Variants in LAMB4 observed in about 807,000 individuals in gnomAD.
The protein encoded by LAMB4 is laminin subunit beta-4.
LAMB4 carries 196 observed loss-of-function variants against 199.2 expected under a neutral mutation model. The observed-to-expected ratio is 0.98, with a 90% CI of 0.88 to 1.11. LAMB4 has a LOEUF of 1.11. Among genes scored for constraint, LAMB4 ranks in the 50% least tolerant of loss-of-function variants. LAMB4 has a pLI of 0.00. For synonymous variants in LAMB4, 744 were observed against 770.6 expected, an observed-to-expected ratio of 0.97 and a Z score of 0.57; for missense variants, 2,080 against 2,171.2, an observed-to-expected ratio of 0.96 and a Z score of 0.83.
intron 23 of LAMB4, among the ~76,000 whole-genome samples, chr7:108,061,533 G>T (rs575708641): frequency 9.9e-5 from 15 of 152,084 alleles, no homozygotes; most frequent in African/African-American, 2.9e-4. Flanking sequence ...GAGATCAGGA[G>T]TTTGAAACCA....
intron 29 of LAMB4, 151 bp from the exon 30 acceptor site, chr7:108,037,746 T>A (rs544616967): frequency 5.1e-4 from 323 of 628,474 alleles, no homozygotes; most frequent in Admixed American, 9.7e-4. Flanking sequence ...TTCCTATAGA[T>A]TCTTCTTCAT....
intron 17 of LAMB4, among the ~76,000 whole-genome samples, chr7:108,074,558 G>A (rs1313720699): frequency 6.6e-6 from 1 of 151,952 alleles, no homozygotes; most frequent in Non-Finnish European, 1.5e-5. Context: ...CAGTAGAGAC[G>A]GGGTTTCGCC....
chr7:108,095,333 G>T lies in LAMB4; in HGVS notation c.1365C>A (p.Cys455Ter), dbSNP rs781087492. 3.7e-6 allele frequency: 6 copies of T among 1,609,818 alleles called. No homozygotes were observed. The Admixed American group carries it at 5.0e-5, about 13-fold the overall frequency. The change falls in exon 12 of 34, where the codon TGC (cysteine) becomes TGA (stop). Residue 455 changes from cysteine to a stop codon, truncating the protein, a stop_gained. Transcript: ENST00000388781. LOFTEE classifies it high-confidence loss of function. The stretch of plus-strand genomic sequence containing the variant: ...GCAGACTCCCAAGGGGGTTACAGTC[G>T]CAGGCTGAAAGCACAGCATACACAA... ...SATDPLGCQP[C>*]DCNPLGSLPF...
At chr7:108,048,384 T>A (rs966012646) in intron 27 of LAMB4, among the ~76,000 whole-genome samples, 2 of 152,128 alleles carry the variant, frequency 1.3e-5, no homozygotes, top group African/African-American at 4.8e-5. Flanking sequence ...CAGGCTGGTC[T>A]CAAACTCCTG....
In LAMB4 at chr7:108,034,510, T is replaced by C. The variant is rs116983773; in HGVS notation, c.4680-164A>G. ...GTGCTGAAGTCTTCATTTTGAGAAA[T>C]AGGTATATTTAAATGCCAATAAAAA... On this transcript the variant is annotated intron_variant, in intron 30 of 33. Transcript: ENST00000388781. 4.2e-3 allele frequency among the ~76,000 whole-genome samples: 647 copies of C among 152,248 alleles called. 2 individuals are homozygous for C. Among genetic ancestry groups the C allele is most frequent in the Non-Finnish European group, 6.4e-3 (432 of 68,014 alleles).
Position 108,048,060 on chromosome 7 carries a change from C to T in LAMB4, c.4174G>A (p.Ala1392Thr). The part of the protein sequence containing the change: ...VPCVPLPCGG[A>T]LCTGRKGHRK... ...TGCCCCTTCCGGCCCGTGCAGAGAG[C>T]ACCGCCACAGGGCAAGGGCACACAT... Residue 1392 changes from alanine (A) to threonine (T), a missense_variant, in exon 28 of 34, where the codon GCT (alanine) becomes ACT (threonine). Coordinates refer to ENST00000388781, the MANE Select transcript of LAMB4 (RefSeq NM_007356.3). 6.2e-7 allele frequency: 1 copy of T among 1,614,120 alleles called. No individual in the cohort carries two copies. Among genetic ancestry groups the T allele is most frequent in the South Asian group, 1.1e-5 (1 of 91,088 alleles).
In LAMB4 at chr7:108,077,008, T is replaced by C; in HGVS notation, c.2060A>G (p.Asp687Gly). 2 of 1,613,748 alleles carry C rather than the reference T, an allele frequency of 1.2e-6. No individual in the cohort carries two copies. The highest frequency in any genetic ancestry group is 2.2e-5 in the South Asian group (2 of 91,072). Residue 687 changes from aspartate (D) to glycine (G), a missense_variant, in exon 17 of 34, where the codon GAT (aspartate) becomes GGT (glycine). By Grantham distance (94) the Asp-to-Gly change is moderately conservative. Transcript: ENST00000388781. Reference sequence around the variant, plus strand: ...TTGCAAAGGCTGAGAAAAATAGACATCTATGGAATATTGTACATCTGGTTC... The same window carrying C: ...TTGCAAAGGCTGAGAAAAATAGACACCTATGGAATATTGTACATCTGGTTC... ...CLEPDVQYSI[D>G]VYFSQPLQGE...
At chr7:108,044,689 C>T (rs929698057) in intron 28 of LAMB4, among the ~76,000 whole-genome samples, 2 of 152,090 alleles carry the variant, frequency 1.3e-5, no homozygotes, top group Admixed American at 6.5e-5. Context: ...TGGTGGCTCA[C>T]GCCTGTAATC....
intron 32 of LAMB4, 78 bp from the exon 33 acceptor site, chr7:108,029,274 C>T: frequency 7.7e-7 from 1 of 1,306,030 alleles, no homozygotes; most frequent in Non-Finnish European, 1.1e-6. Flanking sequence ...CTCCTAATTC[C>T]ATTCATAGAA....
At chr7:108,036,379 C>T (rs1242384895) in intron 30 of LAMB4, among the ~76,000 whole-genome samples, 3 of 151,936 alleles carry the variant, frequency 2.0e-5, no homozygotes, top group Non-Finnish European at 2.9e-5. Context: ...GGAAAGACAG[C>T]GTTTCTCCCT....
At position 108,103,132 on chromosome 7, in the gene LAMB4, G is replaced by T; in HGVS notation, c.1092C>A (p.His364Gln). The change falls in exon 10 of 34, where the codon CAC becomes CAA. Residue 364 changes from histidine (H) to glutamine (Q), a missense_variant. Transcript: ENST00000388781. Reference protein sequence around the residue: ...LSGGVCEDCQHNTEGQHCDRC... With the variant: ...LSGGVCEDCQQNTEGQHCDRC... ...GGTCGCAGTGCTGCCCCTCAGTGTT[G>T]TGCTGGCAGTCTTCACACACGCCCC... The T allele has an allele frequency of 6.2e-7, 1 of 1,613,596 alleles. No homozygotes were observed. Among genetic ancestry groups the T allele is most frequent in the Non-Finnish European group, 8.5e-7 (1 of 1,179,810 alleles).
At chr7:108,034,150 A>C (rs1474579385) in intron 31 of LAMB4, 58 bp downstream of exon 31, 1 of 1,526,130 alleles carries the variant, frequency 6.6e-7, no homozygotes, top group African/African-American at 1.4e-5. Context: ...CATAAAAAGC[A>C]CTGTGTTGTT....
chr7:108,082,975 G>A (rs1347934436), intron 14 of LAMB4, among the ~76,000 whole-genome samples: 1 of 152,220 alleles, frequency 6.6e-6, no homozygotes, highest in Non-Finnish European at 1.5e-5. Flanking sequence ...CAGCTGTTGG[G>A]TTGGATGGAG....
the LAMB4 span, among the ~76,000 whole-genome samples, chr7:108,013,940 G>A: frequency 6.6e-6 from 1 of 151,946 alleles, no homozygotes; most frequent in African/African-American, 2.4e-5. Flanking sequence ...AGCTGTAGGG[G>A]GAGTAGATTC....
At chr7:108,120,179 T>C (rs1478997798) in intron 2 of LAMB4, among the ~76,000 whole-genome samples, 1 of 152,210 alleles carries the variant, frequency 6.6e-6, no homozygotes, top group African/African-American at 2.4e-5. Context: ...TCTTTTCAGT[T>C]TTCTCCATTT....
At chr7:108,055,495 T>C in intron 25 of LAMB4, 137 bp downstream of exon 25, 1 of 957,488 alleles carries the variant, frequency 1.0e-6, no homozygotes, top group Non-Finnish European at 1.6e-6. Flanking sequence ...CCCAGCCTGG[T>C]TATTAACTGA....
At chr7:108,081,451 G>C (rs2036937584) in intron 14 of LAMB4, among the ~76,000 whole-genome samples, 1 of 152,206 alleles carries the variant, frequency 6.6e-6, no homozygotes, top group Non-Finnish European at 1.5e-5. Flanking sequence ...GTCTCGCTCT[G>C]CTCTTTCCTT....
chr7:108,109,323 T>C, intron 4 of LAMB4, 79 bp from the exon 5 acceptor site: 1 of 1,037,458 alleles, frequency 9.6e-7, no homozygotes, highest in South Asian at 1.3e-5. Flanking sequence ...CATTGTGGCT[T>C]ATCTGTAATA....
intron 10 of LAMB4, 103 bp downstream of exon 10, chr7:108,102,941 T>G (rs1016938321): frequency 1.0e-6 from 1 of 967,498 alleles, no homozygotes; most frequent in Admixed American, 2.8e-5. Flanking sequence ...AATAGGGTAG[T>G]TTGGAGATGC....
Sources: gnomAD v4.1 joint callset for allele counts (sites outside exome capture counted in the v4.1 genomes callset) on GRCh38, gnomAD v4.1.1 for gene constraint, MANE v1.5 for transcripts, NCBI Gene and HGNC (gene_info 2026-07-23, HGNC 2026-07-21) for gene names.